CCDC102B: variants seen among roughly 807,000 people sequenced by gnomAD.
CCDC102B encodes the protein coiled-coil domain containing 102B, also known as coiled-coil domain-containing protein 102B.
A neutral mutation model predicts 57.4 loss-of-function variants in CCDC102B; 75 were observed. That is an observed-to-expected ratio of 1.31 (90% confidence interval 1.08 to 1.58). The LOEUF is 1.58. Among genes scored for constraint, CCDC102B ranks in the 40% most tolerant of loss-of-function variants. The pLI is 0.00. For synonymous variants in CCDC102B, 206 were observed against 201.9 expected, an observed-to-expected ratio of 1.02 and a Z score of -0.17; for missense variants, 636 against 582.6, an observed-to-expected ratio of 1.09 and a Z score of -0.94.
At chr18:68,960,342 G>A (rs919682809) in intron 6 of CCDC102B, among the ~76,000 whole-genome samples, 1 of 124,684 alleles carries the variant, frequency 8.0e-6, no homozygotes, top group African/African-American at 3.4e-5. Context: ...CCTGTATTGG[G>A]GGCCTGATGC....
chr18:69,024,707 A>T (rs2051937444), intron 7 of CCDC102B, among the ~76,000 whole-genome samples: 1 of 152,012 alleles, frequency 6.6e-6, no homozygotes, highest in Non-Finnish European at 1.5e-5. Context: ...TTCTTTAAAA[A>T]TATATACAAA....
At chr18:68,886,468 G>A (rs1383871438) in intron 5 of CCDC102B, among the ~76,000 whole-genome samples, 1 of 152,016 alleles carries the variant, frequency 6.6e-6, no homozygotes, top group African/African-American at 2.4e-5. Flanking sequence ...TGAACCCATT[G>A]TTGAACTCAA....
intron 1 of CCDC102B, among the ~76,000 whole-genome samples, chr18:68,808,447 G>A (rs1158591112): frequency 2.0e-5 from 2 of 101,884 alleles, no homozygotes; most frequent in Non-Finnish European, 4.3e-5. Context: ...TCATTCCATT[G>A]TTATTTCATT....
rs192027998 is a variant in CCDC102B, at chr18:68,870,146, G to A, written c.937-4523G>A. ...CACTCATAAGTGGGACTTGAACAACGAGAACACATAGACACAGGGAGGGGA... is the reference window on the plus strand; with the variant it reads ...CACTCATAAGTGGGACTTGAACAACAAGAACACATAGACACAGGGAGGGGA... On this transcript the variant is annotated intron_variant, in intron 4 of 7. Transcript: ENST00000360242. Among the ~76,000 whole-genome samples the A allele has an allele frequency of 1.2e-4, 18 of 152,174 alleles. No individual in the cohort carries two copies. The East Asian group carries it at 2.5e-3, about 21-fold the overall frequency.
At chr18:68,928,806 T>C (rs1461809023) in intron 6 of CCDC102B, among the ~76,000 whole-genome samples, 2 of 151,912 alleles carry the variant, frequency 1.3e-5, no homozygotes, top group African/African-American at 4.8e-5. Flanking sequence ...AAACTGCTGC[T>C]TTTCTTGGCA....
intron 6 of CCDC102B, among the ~76,000 whole-genome samples, chr18:68,926,927 G>A (rs1034951249): frequency 5.3e-5 from 8 of 151,900 alleles, no homozygotes; most frequent in Non-Finnish European, 1.0e-4. Context: ...TCAGGTATAC[G>A]TTAATTAGGA....
At chr18:68,997,465 G>GT (rs2051062184) in intron 6 of CCDC102B, among the ~76,000 whole-genome samples, 2 of 152,146 alleles carry the variant, frequency 1.3e-5, no homozygotes, top group South Asian at 4.2e-4. Flanking sequence ...GGCAAAAGGA[G>GT]TATCAGTGAA....
chr18:68,794,065 G>T (rs2035551427), upstream of CCDC102B, among the ~76,000 whole-genome samples: 1 of 152,064 alleles, frequency 6.6e-6, no homozygotes, highest in South Asian at 2.1e-4. Context: ...TTGGCCTCTA[G>T]CTCCCAATCT....
Position 68,828,675 on chromosome 18 carries a change from A to G in CCDC102B, c.-15-8074A>G, listed in dbSNP as rs28539082. Among the ~76,000 whole-genome samples the G allele has an allele frequency of 1.8e-3, 280 of 151,758 alleles. 1 individual carries two copies. The highest frequency in any genetic ancestry group is 6.4e-3 in the African/African-American group (264 of 41,538). On this transcript the variant is annotated intron_variant, in intron 1 of 7. Transcript: ENST00000360242. The stretch of plus-strand genomic sequence containing the variant: ...TAAGTTCCTACCACAGGAAACTTAG[A>G]AAAAAACTTAGAAAAACAATTCAAA...
Position 69,055,182 on chromosome 18 carries a change from T to A in CCDC102B, c.*1045T>A. 1 of 964,512 alleles carries A rather than the reference T, an allele frequency of 1.0e-6. No homozygotes were observed. Among genetic ancestry groups the A allele is most frequent in the Non-Finnish European group, 1.2e-6 (1 of 810,952 alleles). The allele number at this position is 964,512 out of a possible 1,614,324, so 59.7% of individuals were successfully genotyped here. The stretch of plus-strand genomic sequence containing the variant: ...CATTATTGAATAAAGACCACTTTTA[T>A]CAGAGTCTCTCATTGTAAAAGCCTT... On this transcript the variant is annotated 3_prime_UTR_variant, in exon 8 of 8. Transcript: ENST00000360242.
chr18:68,723,219 C>T (rs1431168946), intron 2 of CCDC102B, among the ~76,000 whole-genome samples: 1 of 152,106 alleles, frequency 6.6e-6, no homozygotes, highest in East Asian at 1.9e-4. Context: ...CATGATTAAA[C>T]TATCTTTACC....
At chr18:68,816,909 A>C (rs2036507431) in intron 1 of CCDC102B, among the ~76,000 whole-genome samples, 1 of 152,190 alleles carries the variant, frequency 6.6e-6, no homozygotes, top group African/African-American at 2.4e-5. Context: ...ACAACAGAAA[A>C]TAAAATGTTT....
rs188326831 is a variant in CCDC102B, at chr18:69,012,783, C to T, written c.1434+1679C>T. Among the ~76,000 whole-genome samples the T allele has an allele frequency of 9.7e-4, 147 of 152,098 alleles. 1 individual carries two copies. The highest frequency in any genetic ancestry group is 3.4e-3 in the African/African-American group (140 of 41,496). On this transcript the variant is annotated intron_variant, in intron 7 of 7. Coordinates refer to ENST00000360242, the MANE Select transcript of CCDC102B (RefSeq NM_024781.3). ...GATGGAATCTATATGGGTAGAAAGTCGTGTTTATTGTTGGAAGCCACTGAG... is the reference window on the plus strand; with the variant it reads ...GATGGAATCTATATGGGTAGAAAGTTGTGTTTATTGTTGGAAGCCACTGAG...
At chr18:68,953,782 TG>T (rs1377669020) in intron 6 of CCDC102B, among the ~76,000 whole-genome samples, 1 of 152,074 alleles carries the variant, frequency 6.6e-6, no homozygotes, top group Non-Finnish European at 1.5e-5. Context: ...AGAAGGCAAA[TG>T]GGTCATGGTG....
rs533284434 is a variant in CCDC102B, at chr18:68,747,588, T to C, written c.-67+30994T>C. On this transcript the variant is annotated intron_variant, in intron 2 of 3. Transcript: ENST00000578970. ...TCTATTTCTATGAGTTTGGCTATTA[T>C]AGACACTTTATGTACATGGAATCAT... Among the ~76,000 whole-genome samples the C allele has an allele frequency of 3.3e-5, 5 of 152,260 alleles. No individual in the cohort carries two copies. In the South Asian group the frequency reaches 6.2e-4, roughly 19 times the overall value.
chr18:69,036,701 GA>G (rs1233865076), intron 7 of CCDC102B, among the ~76,000 whole-genome samples: 15 of 151,984 alleles, frequency 9.9e-5, no homozygotes, highest in African/African-American at 3.6e-4. Context: ...TTTGCATTGT[GA>G]AATGCAAAGG....
intron 6 of CCDC102B, among the ~76,000 whole-genome samples, chr18:68,899,473 A>G (rs1254511893): frequency 6.6e-6 from 1 of 152,094 alleles, no homozygotes; most frequent in African/African-American, 2.4e-5. Context: ...CCATGTCTAT[A>G]TATGTACAGA....
chr18:68,736,538 T>C (rs1028209690), intron 2 of CCDC102B, among the ~76,000 whole-genome samples: 1 of 152,030 alleles, frequency 6.6e-6, no homozygotes, highest in Non-Finnish European at 1.5e-5. Context: ...GATAAGCATA[T>C]GGTTCTTATA....
chr18:68,755,666 G>A (rs1014055853), intron 2 of CCDC102B, among the ~76,000 whole-genome samples: 1 of 151,920 alleles, frequency 6.6e-6, no homozygotes, highest in African/African-American at 2.4e-5. Context: ...CAGCTGTCAT[G>A]TATCCATGTA....
Sources: gnomAD v4.1 joint callset for allele counts (sites outside exome capture counted in the v4.1 genomes callset) on GRCh38, gnomAD v4.1.1 for gene constraint, MANE v1.5 for transcripts, NCBI Gene and HGNC (gene_info 2026-07-23, HGNC 2026-07-21) for gene names.